UBE2G1: variants seen among roughly 807,000 people sequenced by gnomAD.
UBE2G1 encodes ubiquitin-conjugating enzyme E2 G1.
Under a neutral mutation model 22.7 loss-of-function variants are expected in UBE2G1, and 5 were observed. The observed-to-expected ratio is 0.22, with a 90% CI of 0.12 to 0.46. The LOEUF is 0.46. Ranked by LOEUF, UBE2G1 falls within the 20% of genes least tolerant of loss-of-function variation. UBE2G1 has a pLI of 0.99. For synonymous variants in UBE2G1, 74 were observed against 67.5 expected (o/e 1.10, Z -0.47); for missense variants, 88 against 203.9 (o/e 0.43, Z 3.46).
At chr17:4,278,494 C>T (rs903127133) in intron 5 of UBE2G1, among the ~76,000 whole-genome samples, 4 of 152,166 alleles carry the variant, frequency 2.6e-5, no homozygotes, top group African/African-American at 9.7e-5. Flanking sequence ...TTGTGTTGGG[C>T]TGCATTCAAA....
chr17:4,358,901 G>A (rs1316946312), intron 1 of UBE2G1, among the ~76,000 whole-genome samples: 3 of 151,802 alleles, frequency 2.0e-5, no homozygotes, highest in Non-Finnish European at 2.9e-5. Flanking sequence ...GCGGTGAGCC[G>A]AGATCGTGCC....
intron 2 of UBE2G1, among the ~76,000 whole-genome samples, chr17:4,298,583 C>T (rs1389656160): frequency 6.6e-6 from 1 of 152,046 alleles, no homozygotes; most frequent in Admixed American, 6.6e-5. Flanking sequence ...CCAAACATTT[C>T]TGAATAATTA....
At chr17:4,347,950 T>C (rs1400011761) in intron 1 of UBE2G1, among the ~76,000 whole-genome samples, 1 of 151,628 alleles carries the variant, frequency 6.6e-6, no homozygotes, top group Admixed American at 6.6e-5. Context: ...TCTGTCTCCC[T>C]GATTCTCAGG....
intron 1 of UBE2G1, 120 bp from the exon 2 acceptor site, chr17:4,307,243 C>T: frequency 1.2e-6 from 1 of 825,172 alleles, no homozygotes; most frequent in South Asian, 1.7e-5. Context: ...ATAGATATAC[C>T]TTGCCAGGCA....
chr17:4,359,227 C>T (rs1415977564), intron 1 of UBE2G1, among the ~76,000 whole-genome samples: 4 of 152,026 alleles, frequency 2.6e-5, no homozygotes, highest in African/African-American at 9.7e-5. Flanking sequence ...TCTTGTTTTA[C>T]AAGATTAAAG....
chr17:4,363,391 T>C (rs1969990674), intron 1 of UBE2G1, among the ~76,000 whole-genome samples: 1 of 152,190 alleles, frequency 6.6e-6, no homozygotes. Flanking sequence ...TGTTCTCTCC[T>C]CTATCTTAAA....
intron 1 of UBE2G1, among the ~76,000 whole-genome samples, chr17:4,316,926 A>G (rs1471585021): frequency 3.9e-5 from 4 of 102,590 alleles, no homozygotes; most frequent in Non-Finnish European, 8.1e-5. Flanking sequence ...GAGCAAGACC[A>G]TGTCTCTTGA....
intron 1 of UBE2G1, among the ~76,000 whole-genome samples, chr17:4,362,888 C>T (rs753796232): frequency 9.2e-5 from 14 of 151,866 alleles, no homozygotes; most frequent in Non-Finnish European, 1.9e-4. Flanking sequence ...TTTGGGAGGC[C>T]GAGGTGGGTG....
intron 1 of UBE2G1, among the ~76,000 whole-genome samples, chr17:4,341,912 G>A (rs764079215): frequency 3.9e-5 from 6 of 152,074 alleles, no homozygotes; most frequent in Non-Finnish European, 8.8e-5. Flanking sequence ...CCTCACTGAC[G>A]CCGCTCACAC....
At chr17:4,311,247 T>TA (rs1969307001) in intron 1 of UBE2G1, among the ~76,000 whole-genome samples, 1 of 151,918 alleles carries the variant, frequency 6.6e-6, no homozygotes, top group Non-Finnish European at 1.5e-5. Flanking sequence ...ATAATTTTTT[T>TA]TAAAAAAAGT....
chr17:4,289,112 C>CAA (rs1482631096), intron 4 of UBE2G1, 118 bp downstream of exon 4: 1 of 468,866 alleles, frequency 2.1e-6, no homozygotes, highest in African/African-American at 1.9e-5. Flanking sequence ...GAGATACACA[C>CAA]ACACACACAC....
chr17:4,339,779 G>T (rs1159303461), intron 1 of UBE2G1, among the ~76,000 whole-genome samples: 1 of 151,982 alleles, frequency 6.6e-6, no homozygotes, highest in African/African-American at 2.4e-5. Flanking sequence ...AACCCGGGAG[G>T]TGGAGGTTGC....
chr17:4,339,551 T>C (rs995646982), intron 1 of UBE2G1, among the ~76,000 whole-genome samples: 1 of 152,144 alleles, frequency 6.6e-6, no homozygotes, highest in African/African-American at 2.4e-5. Flanking sequence ...ATGATCCACC[T>C]GCCTTGGCCT....
intron 1 of UBE2G1, among the ~76,000 whole-genome samples, chr17:4,330,701 C>T (rs1009452378): frequency 3.3e-5 from 5 of 151,576 alleles, no homozygotes; most frequent in South Asian, 4.2e-4. Context: ...CGCACCATTG[C>T]GCTCCAGCCT....
At chr17:4,287,680 A>T (rs1968982105) in intron 4 of UBE2G1, among the ~76,000 whole-genome samples, 1 of 152,108 alleles carries the variant, frequency 6.6e-6, no homozygotes, top group African/African-American at 2.4e-5. Context: ...GTTGTTATTA[A>T]CCTAAGAAAA....
At chr17:4,289,525 C>T in intron 3 of UBE2G1, 117 bp from the exon 4 acceptor site, 1 of 1,158,516 alleles carries the variant, frequency 8.6e-7, no homozygotes, top group South Asian at 2.0e-5. Flanking sequence ...GACACATACG[C>T]AGAAGTTAAT....
chr17:4,350,122 A>G (rs1376357289), intron 1 of UBE2G1, among the ~76,000 whole-genome samples: 1 of 152,068 alleles, frequency 6.6e-6, no homozygotes, highest in African/African-American at 2.4e-5. Flanking sequence ...TTATATACAA[A>G]TGAGCAAATT....
chr17:4,317,219 G>A (rs568328205), intron 1 of UBE2G1, among the ~76,000 whole-genome samples: 62 of 152,242 alleles, frequency 4.1e-4, no homozygotes, highest in Admixed American at 1.3e-3. Context: ...GCGTGGTAGC[G>A]GGTGCCTCTA....
chr17:4,284,785 T>A (rs1476531263), intron 4 of UBE2G1, among the ~76,000 whole-genome samples: 1 of 151,286 alleles, frequency 6.6e-6, no homozygotes, highest in Non-Finnish European at 1.5e-5. Context: ...CATTTGTTTT[T>A]TTCCCCCCGA....
Sources: allele counts gnomAD v4.1 joint callset (sites outside exome capture counted in the v4.1 genomes callset), GRCh38; gene constraint gnomAD v4.1.1; transcripts MANE v1.5; gene names NCBI Gene and HGNC (gene_info 2026-07-23, HGNC 2026-07-21).